Variants in GALNTL6 observed in about 807,000 individuals in gnomAD.
GALNTL6 encodes the protein polypeptide N-acetylgalactosaminyltransferase-like 6.
A neutral mutation model predicts 73.7 loss-of-function variants in GALNTL6; 46 were observed. The observed-to-expected ratio is 0.62, with a 90% CI of 0.49 to 0.80. The LOEUF (loss-of-function observed/expected upper bound fraction) is 0.80, where lower values mean the gene tolerates loss of function less well. Ranked by LOEUF, GALNTL6 falls within the 30% of genes least tolerant of loss-of-function variation. The pLI, the probability that GALNTL6 is intolerant of heterozygous loss-of-function variation, is 0.00. For missense variants in GALNTL6, 604 were observed against 755.0 expected (o/e 0.80, Z 2.34); for synonymous variants, 259 against 263.7 (o/e 0.98, Z 0.17).
intron 5 of GALNTL6, among the ~76,000 whole-genome samples, chr4:172,773,042 G>A (rs1738867224): frequency 6.6e-6 from 1 of 152,136 alleles, no homozygotes; most frequent in Admixed American, 6.5e-5. Context: ...GAAGAATGTA[G>A]TAAAACAAAA....
At chr4:172,710,486 A>C (rs1734635068) in intron 5 of GALNTL6, among the ~76,000 whole-genome samples, 1 of 152,194 alleles carries the variant, frequency 6.6e-6, no homozygotes, top group South Asian at 2.1e-4. Flanking sequence ...GTCAACAGCA[A>C]AATGATATCT....
intron 2 of GALNTL6, among the ~76,000 whole-genome samples, chr4:172,193,482 C>T (rs967724195): frequency 7.2e-5 from 11 of 152,164 alleles, no homozygotes; most frequent in African/African-American, 2.2e-4. Context: ...GCAACAACAA[C>T]AACAACAACA....
At chr4:171,818,505 AT>A (rs1734586417) in intron 2 of GALNTL6, among the ~76,000 whole-genome samples, 1 of 76,950 alleles carries the variant, frequency 1.3e-5, no homozygotes, top group Non-Finnish European at 2.8e-5. Context: ...AAATCTTAGA[AT>A]TTTAAAACAG....
chr4:171,839,896 G>C (rs1735195371), intron 2 of GALNTL6, among the ~76,000 whole-genome samples: 1 of 151,760 alleles, frequency 6.6e-6, no homozygotes, highest in Non-Finnish European at 1.5e-5. Flanking sequence ...AGACTTTTTT[G>C]CATCATTTAA....
chr4:172,937,671 C>G (rs1748691610), intron 9 of GALNTL6, among the ~76,000 whole-genome samples: 1 of 152,212 alleles, frequency 6.6e-6, no homozygotes, highest in Non-Finnish European at 1.5e-5. Context: ...ACACAAATCT[C>G]AATTCCTCTT....
At chr4:171,841,490 C>A (rs1158238176) in intron 2 of GALNTL6, among the ~76,000 whole-genome samples, 1 of 151,944 alleles carries the variant, frequency 6.6e-6, no homozygotes, top group Non-Finnish European at 1.5e-5. Flanking sequence ...ACTTGAAAAA[C>A]ATAAACAACA....
At chr4:172,352,656 C>T (rs1287050059) in intron 5 of GALNTL6, among the ~76,000 whole-genome samples, 2 of 152,122 alleles carry the variant, frequency 1.3e-5, no homozygotes, top group African/African-American at 4.8e-5. Context: ...CTGAACTTTG[C>T]ATGCTTAGAT....
intron 5 of GALNTL6, among the ~76,000 whole-genome samples, chr4:172,613,320 C>T (rs837190): frequency 0.96 from 146,204 of 152,116 alleles, 70,459 homozygotes; most frequent in Non-Finnish European, 1. Flanking sequence ...ACAGAAGGGC[C>T]TTCTAAGGCA....
chr4:172,121,257 T>TTGTGTGTGTG (rs375731048), intron 2 of GALNTL6, among the ~76,000 whole-genome samples: 7,343 of 142,374 alleles, frequency 0.052, 280 homozygotes, highest in Non-Finnish European at 0.077. Flanking sequence ...TCAAGAAGCA[T>TTGTGTGTGTG]TGTGTGTGTG....
intron 5 of GALNTL6, among the ~76,000 whole-genome samples, chr4:172,680,829 C>A (rs1481272545): frequency 3.9e-5 from 6 of 152,198 alleles, no homozygotes; most frequent in Non-Finnish European, 4.4e-5. Context: ...GTGCATGATT[C>A]CCTGCAGAAT....
intron 5 of GALNTL6, among the ~76,000 whole-genome samples, chr4:172,429,919 T>C (rs1442874917): frequency 6.6e-6 from 1 of 152,162 alleles, no homozygotes; most frequent in Non-Finnish European, 1.5e-5. Context: ...TGCCTTTGCT[T>C]ATCTCAGAAA....
intron 5 of GALNTL6, among the ~76,000 whole-genome samples, chr4:172,463,930 T>C (rs1004874539): frequency 3.9e-5 from 6 of 152,242 alleles, no homozygotes; most frequent in African/African-American, 9.6e-5. Flanking sequence ...CTAACACTTA[T>C]GAATAATAGT....
chr4:172,388,531 C>T (rs764179595), intron 5 of GALNTL6, among the ~76,000 whole-genome samples: 1 of 151,992 alleles, frequency 6.6e-6, no homozygotes, highest in Non-Finnish European at 1.5e-5. Flanking sequence ...ACTTCAACAT[C>T]CAAGAGACAT....
At chr4:172,404,593 T>G (rs1300692227) in intron 5 of GALNTL6, among the ~76,000 whole-genome samples, 1 of 152,106 alleles carries the variant, frequency 6.6e-6, no homozygotes, top group Non-Finnish European at 1.5e-5. Flanking sequence ...ATCTTGGCTT[T>G]CTTCTTTAAT....
intron 3 of GALNTL6, among the ~76,000 whole-genome samples, chr4:172,233,093 G>T (rs1737125087): frequency 6.6e-6 from 1 of 151,564 alleles, no homozygotes. Context: ...TTTTGGCTGG[G>T]CCCAGTGGCT....
chr4:172,357,116 GC>G (rs1215236878), intron 5 of GALNTL6, among the ~76,000 whole-genome samples: 2 of 152,084 alleles, frequency 1.3e-5, no homozygotes, highest in African/African-American at 2.4e-5. Flanking sequence ...CTCCATAATG[GC>G]CTTCCAGGAC....
chr4:172,089,364 T>C (rs1253138373), intron 2 of GALNTL6, among the ~76,000 whole-genome samples: 1 of 152,196 alleles, frequency 6.6e-6, no homozygotes, highest in African/African-American at 2.4e-5. Context: ...AGCGGCAATC[T>C]GACAGATTTT....
chr4:172,489,240 A>G (rs1733810584), intron 5 of GALNTL6, among the ~76,000 whole-genome samples: 2 of 152,174 alleles, frequency 1.3e-5, no homozygotes, highest in South Asian at 4.1e-4. Flanking sequence ...AACAATTGAA[A>G]TTACCATTGA....
chr4:172,555,680 A>C (rs1057008747), intron 5 of GALNTL6, among the ~76,000 whole-genome samples: 3 of 152,042 alleles, frequency 2.0e-5, no homozygotes, highest in African/African-American at 7.2e-5. Context: ...ACATTCCCTA[A>C]ATGCAAAAAA....
Sources: gnomAD v4.1 joint callset for allele counts (sites outside exome capture counted in the v4.1 genomes callset) on GRCh38, gnomAD v4.1.1 for gene constraint, MANE v1.5 for transcripts, NCBI Gene and HGNC (gene_info 2026-07-23, HGNC 2026-07-21) for gene names.